EPG5: variants seen among roughly 807,000 people sequenced by gnomAD.
The protein encoded by EPG5 is ectopic P granules protein 5 homolog.
EPG5 carries 159 observed loss-of-function variants against 302.7 expected under a neutral mutation model. That is an observed-to-expected ratio of 0.53 (90% confidence interval 0.46 to 0.60). The LOEUF is 0.60. Ranked by LOEUF, EPG5 falls within the 20% of genes least tolerant of loss-of-function variation. The probability of loss-of-function intolerance (pLI) is 0.00; values close to 1 mark genes in which losing one functional copy is unlikely to be tolerated. For missense variants in EPG5, 2,896 were observed against 3,092.4 expected (o/e 0.94, Z 1.51); for synonymous variants, 1,158 against 1,136.8 (o/e 1.02, Z -0.37).
At chr18:45,837,615 A>AGC in the EPG5 span, 1 of 1,509,352 alleles carries the variant, frequency 6.6e-7, no homozygotes, top group South Asian at 1.2e-5. Context: ...CCGCACCGCC[A>AGC]CTACGACGGG....
At chr18:45,854,091 T>G (rs2048466425) in intron 43 of EPG5, among the ~76,000 whole-genome samples, 1 of 152,206 alleles carries the variant, frequency 6.6e-6, no homozygotes, top group African/African-American at 2.4e-5. Context: ...CTGCAGGTAC[T>G]GGTGGCCACA....
At chr18:45,894,039 T>TG (rs1282104103) in intron 27 of EPG5, among the ~76,000 whole-genome samples, 1 of 152,210 alleles carries the variant, frequency 6.6e-6, no homozygotes, top group African/African-American at 2.4e-5. Context: ...ACAAAGTCCC[T>TG]GACCTTGTGT....
chr18:45,966,486 T>C (rs1312734062), intron 1 of EPG5, among the ~76,000 whole-genome samples: 1 of 143,376 alleles, frequency 7.0e-6, no homozygotes, highest in Non-Finnish European at 1.5e-5. Flanking sequence ...ATATGTACTA[T>C]AATAAAATGA....
chr18:45,803,723 G>A, the EPG5 span, among the ~76,000 whole-genome samples: 1 of 152,202 alleles, frequency 6.6e-6, no homozygotes, highest in East Asian at 1.9e-4. Context: ...CCCTATCTAA[G>A]GGTGAAAGAA....
Position 45,915,932 on chromosome 18 carries a change from T to C in EPG5, c.3582+77A>G, listed in dbSNP as rs2050020573. 3.8e-6 allele frequency: 5 copies of C among 1,306,340 alleles called. No individual in the cohort carries two copies. The East Asian group carries it at 1.2e-4, about 32-fold the overall frequency. The allele number at this position is 1,306,340 out of a possible 1,614,324, so 80.9% of individuals were successfully genotyped here. ...GGCCACAGAGTAGAACTGAAAACTG[T>C]ACTTGGGGGAATCTTTTTAGAAAGC... On this transcript the variant is annotated intron_variant, in intron 19 of 43. Transcript: ENST00000282041.
At position 45,927,193 on chromosome 18, in the gene EPG5, C is replaced by T. The variant is rs78589808; in HGVS notation, c.2554-1291G>A. On this transcript the variant is annotated intron_variant, in intron 13 of 43. Transcript: ENST00000282041. ...GACTACAGGTGCCCGCCACCACACC[C>T]GGCTAATTTGTTTTTTTTTCCATTT... Among the ~76,000 whole-genome samples, 416 of 151,940 alleles carry T rather than the reference C, an allele frequency of 2.7e-3. 14 individuals carry two copies. The East Asian group carries it at 0.064, about 23-fold the overall frequency.
chr18:45,807,127 C>T, the EPG5 span, among the ~76,000 whole-genome samples: 1 of 152,150 alleles, frequency 6.6e-6, no homozygotes, highest in East Asian at 1.9e-4. Context: ...GCTCTGACAA[C>T]CTGCATGACA....
chr18:45,929,124 G>A, intron 12 of EPG5, 115 bp from the exon 13 acceptor site: 1 of 1,090,484 alleles, frequency 9.2e-7, no homozygotes, highest in Non-Finnish European at 1.3e-6. Context: ...AGCCTTAATT[G>A]ACACTATGTT....
At chr18:45,894,850 G>T (rs1383914876) in intron 27 of EPG5, among the ~76,000 whole-genome samples, 3 of 152,122 alleles carry the variant, frequency 2.0e-5, no homozygotes, top group Non-Finnish European at 4.4e-5. Flanking sequence ...ATTATGAAGG[G>T]CGCTAAGGGT....
At chr18:45,806,571 C>T in the EPG5 span, among the ~76,000 whole-genome samples, 1 of 151,906 alleles carries the variant, frequency 6.6e-6, no homozygotes, top group South Asian at 2.1e-4. Context: ...CACCTCCCCA[C>T]CCCCACACCC....
chr18:45,955,035 G>A lies in EPG5; in HGVS notation c.367C>T (p.His123Tyr). Reference protein sequence around the residue: ...VGDSAVTPKVHPGDNVGTKVE... With the variant: ...VGDSAVTPKVYPGDNVGTKVE... ...TTAGTTCCAACATTGTCTCCAGGGT[G>A]GACCTTTGGAGTGACTGCACTGTCC... is the stretch of plus-strand genomic sequence containing the variant. Residue 123 changes from histidine to tyrosine, a missense_variant, in exon 2 of 44, where the codon CAC becomes TAC. Physicochemically the swap from His to Tyr is moderately conservative, Grantham distance 83. Coordinates refer to ENST00000282041, the MANE Select transcript of EPG5 (RefSeq NM_020964.3). 6.2e-7 allele frequency: 1 copy of A among 1,614,164 alleles called. No homozygotes were observed. The highest frequency in any genetic ancestry group is 8.5e-7 in the Non-Finnish European group (1 of 1,180,026).
intron 9 of EPG5, among the ~76,000 whole-genome samples, chr18:45,942,350 C>T (rs947689773): frequency 2.6e-5 from 4 of 152,176 alleles, no homozygotes; most frequent in South Asian, 2.1e-4. Flanking sequence ...CACCTGTAAT[C>T]CCAGCACTTT....
Position 45,866,974 on chromosome 18 carries a change from T to C in EPG5, c.6445A>G (p.Ser2149Gly), listed in dbSNP as rs1258399991. The C allele has an allele frequency of 1.9e-6, 3 of 1,614,076 alleles. No homozygotes were observed. In the South Asian group the frequency reaches 3.3e-5, roughly 18 times the overall value. The change falls in exon 38 of 44, where the codon AGC becomes GGC. Residue 2149 changes from serine (S) to glycine (G), a missense_variant. By Grantham distance (56) the Ser-to-Gly change is moderately conservative. Transcript: ENST00000282041. ...SPLLSLLGQT[S>G]SLSWHLVDIV... is the part of the protein sequence containing the mutation. ...TCCACAAGATGCCATGAAAGTGAGCTTGTCTGTCCAAGGAGACTAAGTAAA... is the reference window on the plus strand; with the variant it reads ...TCCACAAGATGCCATGAAAGTGAGCCTGTCTGTCCAAGGAGACTAAGTAAA...
At chr18:45,900,169 G>A (rs1055036918) in intron 26 of EPG5, among the ~76,000 whole-genome samples, 16 of 152,250 alleles carry the variant, frequency 1.1e-4, no homozygotes, top group African/African-American at 3.4e-4. Context: ...TTGGGAGGCC[G>A]AGGCGGGTGG....
rs774790764 is a variant in EPG5, at chr18:45,910,535, G to A, written c.4191C>T (p.His1397=). The change falls in exon 23 of 44, where the codon CAC becomes CAT. Residue 1397 remains histidine (H), a synonymous_variant. Coordinates refer to ENST00000282041, the MANE Select transcript of EPG5 (RefSeq NM_020964.3). ...TPGYLTSPEL[H]KELVRLFNVY... ...ACCATACTCACCTCACCAGCTCCTT[G>A]TGCAGTTCTGGTGAAGTCAGGTAAC... 2.5e-6 allele frequency: 4 copies of A among 1,609,822 alleles called. No homozygotes were observed. In the Admixed American group the frequency reaches 6.7e-5, roughly 27 times the overall value.
At chr18:45,897,692 T>C (rs1231433274) in intron 27 of EPG5, among the ~76,000 whole-genome samples, 1 of 152,214 alleles carries the variant, frequency 6.6e-6, no homozygotes, top group Non-Finnish European at 1.5e-5. Flanking sequence ...TCCTAACTTT[T>C]AGGTCAAATT....
intron 25 of EPG5, 21 bp downstream of exon 25, chr18:45,903,952 G>C (rs1358249518): frequency 1.3e-6 from 2 of 1,590,416 alleles, no homozygotes. Flanking sequence ...ATTCGAAGGG[G>C]CAGGTGCTCC....
chr18:45,800,973 T>TAGGAGGAAGA, the EPG5 span, among the ~76,000 whole-genome samples: 1 of 152,190 alleles, frequency 6.6e-6, no homozygotes, highest in Non-Finnish European at 1.5e-5. Flanking sequence ...CCAAAGCATC[T>TAGGAGGAAGA]TCCTCCTACT....
At position 45,866,991 on chromosome 18, in the gene EPG5, C is replaced by T. The variant is rs758294478; in HGVS notation, c.6428G>A (p.Ser2143Asn). 4.2e-5 allele frequency: 68 copies of T among 1,613,768 alleles called. No homozygotes were observed. The highest frequency in any genetic ancestry group is 3.2e-4 in the Admixed American group (19 of 59,998). The change falls in exon 38 of 44, where the codon AGT (serine) becomes AAT (asparagine). Residue 2143 changes from serine to asparagine, a missense_variant. By Grantham distance (46) the Ser-to-Asn change is conservative. Transcript: ENST00000282041. ...AAGTGAGCTTGTCTGTCCAAGGAGA[C>T]TAAGTAAAGGTGAATCCTAAAAATA... ...LVDQTDSPLL[S>N]LLGQTSSLSW... is the part of the protein sequence containing the mutation.
Sources: gnomAD v4.1 joint callset for allele counts (sites outside exome capture counted in the v4.1 genomes callset) on GRCh38, gnomAD v4.1.1 for gene constraint, MANE v1.5 for transcripts, NCBI Gene and HGNC (gene_info 2026-07-23, HGNC 2026-07-21) for gene names.